The following MYO16 variants were observed in gnomAD, a reference collection of about 807,000 sequenced individuals.
MYO16 encodes the protein myosin XVI.
In MYO16, 94 loss-of-function variants were observed where a neutral mutation model predicts 205.3. The observed-to-expected ratio is 0.46, with a 90% CI of 0.39 to 0.54. The LOEUF (loss-of-function observed/expected upper bound fraction) is 0.54. Ranked by LOEUF, MYO16 falls within the 20% of genes least tolerant of loss-of-function variation. The pLI is 0.00. For missense variants in MYO16, 2,315 were observed against 2,387.5 expected (o/e 0.97, Z 0.63); for synonymous variants, 988 against 954.0 (o/e 1.04, Z -0.66).
intron 5 of MYO16, among the ~76,000 whole-genome samples, chr13:108,788,019 A>G (rs1886508745): frequency 6.6e-6 from 1 of 152,232 alleles, no homozygotes; most frequent in South Asian, 2.1e-4. Context: ...TGATGTCTTT[A>G]GAAATTCCTA....
intron 4 of MYO16, among the ~76,000 whole-genome samples, chr13:108,742,813 T>G (rs1354029977): frequency 2.0e-5 from 3 of 152,224 alleles, no homozygotes; most frequent in Non-Finnish European, 4.4e-5. Context: ...TAAAATATCC[T>G]CAGAATCTGC....
chr13:109,176,469 GT>G (rs1182648553), intron 33 of MYO16, among the ~76,000 whole-genome samples: 4 of 142,790 alleles, frequency 2.8e-5, no homozygotes, highest in Non-Finnish European at 4.5e-5. Flanking sequence ...ACATGAATCC[GT>G]TTTCTTTTTT....
Position 108,957,762 on chromosome 13 carries a change from T to G in MYO16, c.2000T>G (p.Leu667Trp). 2 of 1,613,950 alleles carry G rather than the reference T, an allele frequency of 1.2e-6. No homozygotes were observed. The highest frequency in any genetic ancestry group is 1.7e-6 in the Non-Finnish European group (2 of 1,179,846). Residue 667 changes from leucine to tryptophan, a missense_variant, in exon 17 of 35, where the codon TTG becomes TGG. Physicochemically the swap from Leu to Trp is moderately conservative, Grantham distance 61. Transcript: ENST00000457511. Reference sequence around the variant, plus strand: ...CTGAACAGGGAGAAATTGGCTGTTTTGAAACGAGCCCTGAATGTAGTTGGC... The same window carrying G: ...CTGAACAGGGAGAAATTGGCTGTTTGGAAACGAGCCCTGAATGTAGTTGGC... ...RSLNREKLAV[L>W]KRALNVVGFS...
chr13:108,820,824 T>C (rs1373995956), intron 8 of MYO16, among the ~76,000 whole-genome samples: 1 of 152,178 alleles, frequency 6.6e-6, no homozygotes, highest in Non-Finnish European at 1.5e-5. Flanking sequence ...TGTGCAGATA[T>C]TTAAACTACA....
Position 108,914,760 on chromosome 13 carries a change from G to A in MYO16, c.1925+4610G>A, listed in dbSNP as rs145577625. Reference sequence around the variant, plus strand: ...CTGGCTCAAGCGATTCTCCTGTATCGGCCTCCTGAATAGCTGGGATTACAG... The same window carrying A: ...CTGGCTCAAGCGATTCTCCTGTATCAGCCTCCTGAATAGCTGGGATTACAG... On this transcript the variant is annotated intron_variant, in intron 16 of 34. Transcript: ENST00000457511. Among the ~76,000 whole-genome samples the A allele has an allele frequency of 1.3e-3, 200 of 151,858 alleles. 1 individual carries two copies. The highest frequency in any genetic ancestry group is 2.4e-3 in the Non-Finnish European group (163 of 67,960).
rs1878413116 is a variant in MYO16 at position 109,162,095 on chromosome 13, A to ACAAAT, written c.5165-2802_5165-2801insTCAAA. On this transcript the variant is annotated intron_variant, in intron 32 of 34. Coordinates refer to ENST00000457511, the MANE Select transcript of MYO16 (RefSeq NM_001198950.3). This position sits in a 1 kb window ranked among gnomAD's most constrained non-coding sequence, Gnocchi z 4.6. ...GAGAGACTCTGCCTCAAAAAACAAA[A>ACAAAT]CAAAGCCCAAAAAACATGTCTTGGC... Among the ~76,000 whole-genome samples, 1 of 152,218 alleles carries ACAAAT rather than the reference A, an allele frequency of 6.6e-6. No homozygotes were observed. The highest frequency in any genetic ancestry group is 2.4e-5 in the African/African-American group (1 of 41,454).
At chr13:108,671,802 G>A (rs1471277550) in intron 2 of MYO16, among the ~76,000 whole-genome samples, 1 of 152,132 alleles carries the variant, frequency 6.6e-6, no homozygotes, top group East Asian at 1.9e-4. Flanking sequence ...CTCACATGGT[G>A]AAGAGGAAGC....
chr13:108,802,680 T>G (rs549375504), intron 6 of MYO16, among the ~76,000 whole-genome samples: 3 of 152,204 alleles, frequency 2.0e-5, no homozygotes, highest in Non-Finnish European at 4.4e-5. Flanking sequence ...TGTGCTAACT[T>G]ACATTTCTAC....
chr13:108,693,863 C>T (rs1428876598), intron 2 of MYO16, among the ~76,000 whole-genome samples: 1 of 152,134 alleles, frequency 6.6e-6, no homozygotes, highest in African/African-American at 2.4e-5. Context: ...CTCTTGCCAC[C>T]TTTCACCCTC....
At chr13:108,636,361 T>TGTGTGTG (rs1266809434) in intron 1 of MYO16, among the ~76,000 whole-genome samples, 1 of 95,432 alleles carries the variant, frequency 1.0e-5, no homozygotes, top group South Asian at 4.3e-4. Context: ...TTTTTTTTTT[T>TGTGTGTG]TTTTTTTTTG....
At chr13:108,777,475 G>A (rs1185996477) in intron 4 of MYO16, among the ~76,000 whole-genome samples, 1 of 152,162 alleles carries the variant, frequency 6.6e-6, no homozygotes, top group Non-Finnish European at 1.5e-5. Flanking sequence ...TTGAAATGTA[G>A]ACCCTTTTAG....
intron 2 of MYO16, among the ~76,000 whole-genome samples, chr13:108,702,237 T>C (rs1032115006): frequency 1.3e-5 from 2 of 152,132 alleles, no homozygotes; most frequent in South Asian, 2.1e-4. Context: ...CTGAAACAGA[T>C]CCATACCTAG....
In MYO16 at chr13:108,727,557, C is replaced by T. The variant is rs1176782233; in HGVS notation, c.481C>T (p.Pro161Ser). ...PMHIACACDN[P>S]DIVLLLVLAG... ...GCACATTGCCTGTGCCTGCGATAAC[C>T]CTGATATTGTCCTGCTTCTTGTATT... is the stretch of plus-strand genomic sequence containing the variant. The change falls in exon 4 of 35, where the codon CCT becomes TCT. Residue 161 changes from proline (P) to serine (S), a missense_variant. Pro to Ser is a moderately conservative substitution (Grantham distance 74, BLOSUM62 -1). This residue lies in a region of MYO16 where 1,213 missense variants were observed against 1,274.4 expected (regional missense o/e 0.95). Transcript: ENST00000457511. 5 of 1,613,034 alleles carry T rather than the reference C, an allele frequency of 3.1e-6. No homozygotes were observed. In the South Asian group the frequency reaches 3.3e-5, roughly 11 times the overall value.
In MYO16 at chr13:109,109,697, C is replaced by T. The variant is rs77098775; in HGVS notation, c.3438+8810C>T. On this transcript the variant is annotated intron_variant, in intron 28 of 34. Coordinates refer to ENST00000457511, the MANE Select transcript of MYO16 (RefSeq NM_001198950.3). ...AATATTAATGTAGATCAGGAATATA[C>T]TCAAGCTCTTTTAAAAAACGAACTT... Among the ~76,000 whole-genome samples the T allele has an allele frequency of 1.3e-4, 19 of 150,430 alleles. No homozygotes were observed. In the East Asian group the frequency reaches 3.7e-3, roughly 29 times the overall value.
At position 108,916,203 on chromosome 13, in the gene MYO16, C is replaced by A. The variant is rs150659668; in HGVS notation, c.1925+6053C>A. On this transcript the variant is annotated intron_variant, in intron 16 of 34. Coordinates refer to ENST00000457511, the MANE Select transcript of MYO16 (RefSeq NM_001198950.3). Reference sequence around the variant, plus strand: ...CATTATTAATAACCTAAGTGACAGTCACAGTCATGATCAGCACAGTTCATG... The same window carrying A: ...CATTATTAATAACCTAAGTGACAGTAACAGTCATGATCAGCACAGTTCATG... 2.4e-3 allele frequency among the ~76,000 whole-genome samples: 360 copies of A among 152,280 alleles called. 1 individual carries two copies. The highest frequency in any genetic ancestry group is 8.2e-3 in the African/African-American group (341 of 41,556).
At chr13:108,938,450 G>A (rs1882583527) in intron 16 of MYO16, among the ~76,000 whole-genome samples, 1 of 152,226 alleles carries the variant, frequency 6.6e-6, no homozygotes, top group Admixed American at 6.5e-5. Context: ...TCCCCTCTTG[G>A]CAGGCACAAA....
At chr13:108,767,296 G>T (rs966327759) in intron 4 of MYO16, among the ~76,000 whole-genome samples, 15 of 152,138 alleles carry the variant, frequency 9.9e-5, no homozygotes, top group Non-Finnish European at 2.1e-4. Context: ...TGGAGACAAG[G>T]TTTCACCATG....
intron 27 of MYO16, among the ~76,000 whole-genome samples, chr13:109,077,023 G>A (rs1260937828): frequency 7.9e-5 from 11 of 139,962 alleles, no homozygotes; most frequent in Admixed American, 5.4e-4. Flanking sequence ...ATGGAGTCTC[G>A]CTCTGTCGCC....
chr13:108,603,302 A>G (rs527548998), intron 1 of MYO16, among the ~76,000 whole-genome samples: 13 of 152,266 alleles, frequency 8.5e-5, no homozygotes, highest in African/African-American at 2.9e-4. Flanking sequence ...CATTAAATTG[A>G]CTACTTTTCC....
Sources: gnomAD v4.1 joint callset for allele counts (sites outside exome capture counted in the v4.1 genomes callset) on GRCh38, gnomAD v4.1.1 for gene constraint, gnomAD v4.1.1 regional missense constraint, Gnocchi (gnomAD v3.1) non-coding constraint, MANE v1.5 for transcripts, NCBI Gene and HGNC (gene_info 2026-07-23, HGNC 2026-07-21) for gene names.